Variants in GRIA1 observed in about 807,000 individuals in gnomAD.
The protein encoded by GRIA1 is glutamate receptor 1.
GRIA1 carries 31 observed loss-of-function variants against 99.2 expected under a neutral mutation model. The observed-to-expected ratio is 0.31, with a 90% CI of 0.23 to 0.42. GRIA1 has a LOEUF of 0.42. Among genes scored for constraint, GRIA1 ranks in the 10% least tolerant of loss-of-function variants. GRIA1 has a pLI of 1.00. For missense variants in GRIA1, 782 were observed against 1,157.5 expected (o/e 0.68, Z 4.71); for synonymous variants, 438 against 432.4 (o/e 1.01, Z -0.16).
intron 2 of GRIA1, among the ~76,000 whole-genome samples, chr5:153,636,902 G>T (rs1003419625): frequency 2.6e-5 from 4 of 152,230 alleles, no homozygotes; most frequent in African/African-American, 7.2e-5. Flanking sequence ...GGATGGAGTA[G>T]CATGGTTTAT....
intron 11 of GRIA1, among the ~76,000 whole-genome samples, chr5:153,763,897 T>C (rs2149607575): frequency 6.6e-6 from 1 of 152,370 alleles, no homozygotes; most frequent in South Asian, 2.1e-4. Flanking sequence ...GGACTATGAC[T>C]ATTCTGATTC....
intron 12 of GRIA1, among the ~76,000 whole-genome samples, chr5:153,766,453 A>C (rs1283320586): frequency 2.0e-5 from 3 of 152,244 alleles, no homozygotes; most frequent in Admixed American, 2.0e-4. Flanking sequence ...AACATGCACC[A>C]GTCCTCAAAG....
intron 11 of GRIA1, chr5:153,755,644 C>G (rs1250060882): frequency 6.6e-6 from 1 of 152,254 alleles, no homozygotes; most frequent in Non-Finnish European, 1.5e-5. Context: ...ATAGCAACTG[C>G]ACTGCAGCCT....
chr5:153,675,866 T>TTC (rs1756533567), intron 6 of GRIA1, among the ~76,000 whole-genome samples: 1 of 151,820 alleles, frequency 6.6e-6, no homozygotes, highest in Non-Finnish European at 1.5e-5. Flanking sequence ...TTAATTTTTT[T>TTC]TTTTTTTTGA....
chr5:153,727,381 G>A lies in GRIA1; in HGVS notation c.1823+21314G>A, dbSNP rs573907368. 9.2e-5 allele frequency among the ~76,000 whole-genome samples: 14 copies of A among 152,242 alleles called. 2 individuals carry two copies. The South Asian group carries it at 2.9e-3, about 32-fold the overall frequency. ...ATTCAACATAGTGTTGGAAGTTCTG[G>A]CCAGGGCAATTAGGCAGGAGAAGGA... On this transcript the variant is annotated intron_variant, in intron 11 of 15. Transcript: ENST00000285900.
intron 2 of GRIA1, among the ~76,000 whole-genome samples, chr5:153,588,730 A>G (rs1763713253): frequency 6.6e-6 from 1 of 152,174 alleles, no homozygotes; most frequent in South Asian, 2.1e-4. Flanking sequence ...ATTAAATAAT[A>G]GTCTATTAGA....
chr5:153,517,564 C>T (rs1035137199), intron 2 of GRIA1, among the ~76,000 whole-genome samples: 30 of 152,164 alleles, frequency 2.0e-4, no homozygotes, highest in Admixed American at 3.3e-4. Flanking sequence ...TGTGGCAGCT[C>T]CTTATAAAGA....
At chr5:153,752,189 C>A (rs1274901318) in intron 11 of GRIA1, among the ~76,000 whole-genome samples, 2 of 152,156 alleles carry the variant, frequency 1.3e-5, no homozygotes, top group Non-Finnish European at 2.9e-5. Flanking sequence ...ACTATGCTGG[C>A]AAAAGTTGGG....
chr5:153,666,502 C>T (rs1358111064), intron 5 of GRIA1, among the ~76,000 whole-genome samples: 1 of 152,236 alleles, frequency 6.6e-6, no homozygotes, highest in African/African-American at 2.4e-5. Flanking sequence ...TGCTTCATTG[C>T]AGGACAGGAC....
intron 11 of GRIA1, among the ~76,000 whole-genome samples, chr5:153,738,720 CTTTTTT>C (rs55874747): frequency 0.013 from 1,293 of 102,378 alleles, 23 homozygotes; most frequent in Middle Eastern, 0.034. Context: ...TCCATACCTT[CTTTTTT>C]TTTTTTTTTT....
At chr5:153,695,775 A>T (rs909557259) in intron 8 of GRIA1, among the ~76,000 whole-genome samples, 1 of 152,156 alleles carries the variant, frequency 6.6e-6, no homozygotes, top group Non-Finnish European at 1.5e-5. Flanking sequence ...CACTGAGGGT[A>T]AGCCTCCATG....
chr5:153,568,568 C>T (rs910720089), intron 2 of GRIA1, among the ~76,000 whole-genome samples: 1 of 152,066 alleles, frequency 6.6e-6, no homozygotes, highest in Non-Finnish European at 1.5e-5. Context: ...ATTATAACAT[C>T]TTTTTTATTC....
intron 2 of GRIA1, among the ~76,000 whole-genome samples, chr5:153,627,075 A>G (rs1258421664): frequency 6.6e-6 from 1 of 152,224 alleles, no homozygotes; most frequent in African/African-American, 2.4e-5. Flanking sequence ...GTGATTCTGC[A>G]TTTCTTATTA....
rs377503882 is a variant in GRIA1, at chr5:153,811,260, C to T, written c.*35C>T. 52 of 1,544,306 alleles carry T rather than the reference C, an allele frequency of 3.4e-5. No individual in the cohort carries two copies. The highest frequency in any genetic ancestry group is 1.1e-4 in the East Asian group (5 of 44,406). ...ATGGAGACCCCTTGGGGAGCAGGCT[C>T]GGGCTCCCCAGCCCCATCCCAAACC... On this transcript the variant is annotated 3_prime_UTR_variant, in exon 16 of 16. Transcript: ENST00000285900.
chr5:153,663,590 T>G (rs955033857), intron 5 of GRIA1, among the ~76,000 whole-genome samples: 6 of 152,202 alleles, frequency 3.9e-5, no homozygotes, highest in African/African-American at 1.4e-4. Flanking sequence ...TGTAAAGTTT[T>G]AGAACACAGA....
In GRIA1 at chr5:153,811,189, C is replaced by A; in HGVS notation, c.2685C>A (p.His895Gln). Residue 895 changes from histidine (H) to glutamine (Q), a missense_variant, in exon 16 of 16, where the codon CAC (histidine) becomes CAA (glutamine). By Grantham distance (24) the His-to-Gln change is conservative. This residue lies in a region of GRIA1 where 76 missense variants were observed against 81.2 expected (regional missense o/e 0.94). Coordinates refer to ENST00000285900, the MANE Select transcript of GRIA1 (RefSeq NM_000827.4). ...TGCAATCGATTCCTTGCATGAGCCA[C>A]AGTTCAGGGATGCCCTTGGGAGCCA... ...KSMQSIPCMSHSSGMPLGATG... is the reference protein window; with the variant it reads ...KSMQSIPCMSQSSGMPLGATG... 6.2e-7 allele frequency: 1 copy of A among 1,614,148 alleles called. No individual in the cohort carries two copies. The highest frequency in any genetic ancestry group is 1.1e-5 in the South Asian group (1 of 91,084).
At chr5:153,806,699 A>G in intron 15 of GRIA1, among the ~76,000 whole-genome samples, 1 of 152,224 alleles carries the variant, frequency 6.6e-6, no homozygotes, top group East Asian at 1.9e-4. Flanking sequence ...GAAAAGAGAA[A>G]GAAGGGTGGA....
chr5:153,776,506 G>A (rs1361590526), intron 13 of GRIA1, among the ~76,000 whole-genome samples: 4 of 152,108 alleles, frequency 2.6e-5, no homozygotes, highest in Admixed American at 6.5e-5. Context: ...CAAGCTTTCC[G>A]GCACACCAGC....
intron 2 of GRIA1, among the ~76,000 whole-genome samples, chr5:153,552,474 A>G (rs533187663): frequency 2.0e-5 from 3 of 152,212 alleles, no homozygotes; most frequent in Admixed American, 6.5e-5. Context: ...TTGAAAGCTA[A>G]AGGAGTCCCT....
Sources: allele counts gnomAD v4.1 joint callset (sites outside exome capture counted in the v4.1 genomes callset), GRCh38; gene constraint gnomAD v4.1.1; regional missense constraint gnomAD v4.1.1; transcripts MANE v1.5; gene names NCBI Gene and HGNC (gene_info 2026-07-23, HGNC 2026-07-21).